The following TXNL1 variants were observed in gnomAD, a reference collection of about 807,000 sequenced individuals.
TXNL1 encodes thioredoxin like 1.
A neutral mutation model predicts 35.5 loss-of-function variants in TXNL1; 14 were observed. That is an observed-to-expected ratio of 0.39 (90% CI 0.26 to 0.62). The LOEUF is 0.62. Ranked by LOEUF, TXNL1 falls within the 20% of genes least tolerant of loss-of-function variation. The probability of loss-of-function intolerance (pLI) is 0.47; values close to 1 mark genes in which losing one functional copy is unlikely to be tolerated. For missense variants in TXNL1, 263 were observed against 349.7 expected (o/e 0.75, Z 1.98); for synonymous variants, 110 against 115.5 (o/e 0.95, Z 0.31).
Position 56,603,060 on chromosome 18 carries a change from GAAAAAC to G in TXNL1, c.841-10_841-5del. On this transcript the variant is annotated splice_region_variant and splice_polypyrimidine_tract_variant and intron_variant, in intron 7 of 7. Coordinates refer to ENST00000217515, the MANE Select transcript of TXNL1 (RefSeq NM_004786.3). ...TTTCTCCTTTTTTGCCAACTACCTAGAAAAACAAAAATAAGTTTATATGTACATCCT... is the reference window on the plus strand; with the variant it reads ...TTTCTCCTTTTTTGCCAACTACCTAGAAAAATAAGTTTATATGTACATCCT... 1 of 1,611,942 alleles carries G rather than the reference GAAAAAC, an allele frequency of 6.2e-7. No homozygotes were observed. Among genetic ancestry groups the G allele is most frequent in the Non-Finnish European group, 8.5e-7 (1 of 1,178,576 alleles).
chr18:56,632,161 C>T (rs922893287), intron 1 of TXNL1, among the ~76,000 whole-genome samples: 2 of 152,140 alleles, frequency 1.3e-5, no homozygotes, highest in African/African-American at 4.8e-5. Flanking sequence ...TAATATAAAA[C>T]AAATTCCATT....
chr18:56,638,577 T>G lies in TXNL1; in HGVS notation c.-137A>C. Reference sequence around the variant, plus strand: ...AAGAGGTGGCGACCGCCGAGTCTTCTCCCGGGACTCTCAGTGCCGAGTCAC... The same window carrying G: ...AAGAGGTGGCGACCGCCGAGTCTTCGCCCGGGACTCTCAGTGCCGAGTCAC... On this transcript the variant is annotated 5_prime_UTR_variant, in exon 1 of 8. Transcript: ENST00000217515. 1.5e-6 allele frequency: 1 copy of G among 663,700 alleles called. No homozygotes were observed. The highest frequency in any genetic ancestry group is 2.2e-6 in the Non-Finnish European group (1 of 456,170). The allele number at this position is 663,700 out of a possible 1,614,324, so 41.1% of individuals were successfully genotyped here. A position where few individuals can be genotyped will look rare whatever the true frequency, so the allele number is the denominator to read the frequency against.
chr18:56,615,527 G>A lies in TXNL1; in HGVS notation c.562+718C>T, dbSNP rs549708865. Among the ~76,000 whole-genome samples the A allele has an allele frequency of 4.6e-5, 7 of 151,678 alleles. 1 individual carries two copies. Among genetic ancestry groups the A allele is most frequent in the Non-Finnish European group, 1.0e-4 (7 of 67,932 alleles). ...TTACAAGAAGAGAAATCCTAAGTCT[G>A]CACAATCATATTTACATGTATCGAT... On this transcript the variant is annotated intron_variant, in intron 5 of 7. Transcript: ENST00000217515.
At chr18:56,608,967 C>CAAAA (rs1568099229) in intron 7 of TXNL1, 42 of 146,688 alleles carry the variant, frequency 2.9e-4, no homozygotes, top group South Asian at 6.5e-4. Flanking sequence ...AAAAAAAAAT[C>CAAAA]ATAAAATTCT....
chr18:56,605,713 C>T (rs981282200), intron 7 of TXNL1, among the ~76,000 whole-genome samples: 2 of 152,122 alleles, frequency 1.3e-5, no homozygotes, highest in African/African-American at 2.4e-5. Context: ...ATAATCTGTG[C>T]GTGATGCCTA....
intron 1 of TXNL1, among the ~76,000 whole-genome samples, chr18:56,636,889 T>C (rs1052761815): frequency 2.0e-5 from 3 of 152,198 alleles, no homozygotes; most frequent in African/African-American, 7.2e-5. Context: ...TTTTCTACTG[T>C]GGCCTAGATA....
chr18:56,633,644 G>T (rs1291313718), intron 1 of TXNL1, among the ~76,000 whole-genome samples: 5 of 147,110 alleles, frequency 3.4e-5, no homozygotes, highest in Non-Finnish European at 6.0e-5. Context: ...AAAAAAATCA[G>T]TGCATGGTAA....
rs140935269 is a variant in TXNL1, at chr18:56,625,543, T to C, written c.195+818A>G. Among the ~76,000 whole-genome samples, 170 of 152,204 alleles carry C rather than the reference T, an allele frequency of 1.1e-3. 1 individual carries two copies. The highest frequency in any genetic ancestry group is 3.9e-3 in the African/African-American group (164 of 41,540). On this transcript the variant is annotated intron_variant, in intron 2 of 7. Coordinates refer to ENST00000217515, the MANE Select transcript of TXNL1 (RefSeq NM_004786.3). ...TGGTTACAATACCTGACAGAACAGC[T>C]CCAGGAGAAAAGCATTTTCATTCTA...
chr18:56,622,216 G>C (rs2024200316), intron 3 of TXNL1, among the ~76,000 whole-genome samples: 1 of 151,894 alleles, frequency 6.6e-6, no homozygotes. Flanking sequence ...TACTAGACCA[G>C]TGCTGGTTTA....
intron 7 of TXNL1, chr18:56,610,485 T>G (rs2023972804): frequency 6.6e-6 from 1 of 152,458 alleles, no homozygotes; most frequent in Admixed American, 6.5e-5. Flanking sequence ...AAAACTTGCC[T>G]GTTCATCATT....
At chr18:56,626,141 CAGA>C (rs2024274215) in intron 2 of TXNL1, 3 of 1,205,462 alleles carry the variant, frequency 2.5e-6, no homozygotes, top group Admixed American at 7.6e-5. Context: ...AATTTTATAT[CAGA>C]AGGTGATTAA....
rs779464042 is a variant in TXNL1, at chr18:56,616,234, C to A, written c.562+11G>T. On this transcript the variant is annotated intron_variant, in intron 5 of 7. Transcript: ENST00000217515. Reference sequence around the variant, plus strand: ...AGAAGTTAGTTTAAAGAAAAGCTATCCTTTACTCACCATTATCTGGCCCTT... The same window carrying A: ...AGAAGTTAGTTTAAAGAAAAGCTATACTTTACTCACCATTATCTGGCCCTT... 2.8e-5 allele frequency: 45 copies of A among 1,611,010 alleles called. No individual in the cohort carries two copies. The highest frequency in any genetic ancestry group is 3.7e-5 in the Non-Finnish European group (43 of 1,178,034).
At chr18:56,634,798 TATAG>T (rs1299351972) in intron 1 of TXNL1, among the ~76,000 whole-genome samples, 1 of 152,098 alleles carries the variant, frequency 6.6e-6, no homozygotes, top group Non-Finnish European at 1.5e-5. Context: ...GCAACAAAAG[TATAG>T]ATAAATTGGA....
chr18:56,606,326 G>A (rs556060636), intron 7 of TXNL1, among the ~76,000 whole-genome samples: 2 of 151,312 alleles, frequency 1.3e-5, no homozygotes, highest in East Asian at 2.0e-4. Context: ...GCAGTGAGCC[G>A]AGATCACACC....
At chr18:56,603,180 C>T in intron 7 of TXNL1, 124 bp from the exon 8 acceptor site, 1 of 863,980 alleles carries the variant, frequency 1.2e-6, no homozygotes, top group Non-Finnish European at 1.8e-6. Flanking sequence ...TTCTGGCATG[C>T]AATGTATTTT....
At position 56,614,592 on chromosome 18, in the gene TXNL1, C is replaced by T. The variant is rs2024053197; in HGVS notation, c.567G>A (p.Gln189=). 5 of 1,609,456 alleles carry T rather than the reference C, an allele frequency of 3.1e-6. No individual in the cohort carries two copies. The highest frequency in any genetic ancestry group is 4.2e-6 in the Non-Finnish European group (5 of 1,178,760). Residue 189 remains glutamine (Q), a synonymous_variant, in exon 6 of 8, where the codon CAG becomes CAA. Transcript: ENST00000217515. The part of the protein sequence containing the change: ...SMKFQGPDNG[Q]GPKYVKIFIN... ...TAAAAATTTTTACATATTTAGGGCC[C>T]TGACCTATACAATGGTAGAATAAAA...
In TXNL1 at chr18:56,612,255, T is replaced by C. The variant is rs8087173; in HGVS notation, c.736-1158A>G. ...ATCATTGGAAATTTTATTAAAATCA[T>C]AGTTTTTCACTGAGGAAAATCTCTA... On this transcript the variant is annotated intron_variant, in intron 6 of 7. Coordinates refer to ENST00000217515, the MANE Select transcript of TXNL1 (RefSeq NM_004786.3). Among the ~76,000 whole-genome samples the C allele has an allele frequency of 7.2e-5, 11 of 152,134 alleles. No individual in the cohort carries two copies. In the East Asian group the frequency reaches 9.7e-4, roughly 13 times the overall value.
intron 1 of TXNL1, 40 bp downstream of exon 1, chr18:56,638,303 A>C: frequency 6.4e-7 from 1 of 1,568,444 alleles, no homozygotes; most frequent in Non-Finnish European, 8.7e-7. Context: ...AAAGCAAGGA[A>C]GGACAGACGG....
chr18:56,606,245 C>T (rs767319804), intron 7 of TXNL1, among the ~76,000 whole-genome samples: 2 of 152,026 alleles, frequency 1.3e-5, no homozygotes, highest in South Asian at 2.1e-4. Flanking sequence ...GGCGTAGCGG[C>T]GGGCACCTGT....
Sources: allele counts gnomAD v4.1 joint callset (sites outside exome capture counted in the v4.1 genomes callset), GRCh38; gene constraint gnomAD v4.1.1; transcripts MANE v1.5; gene names NCBI Gene and HGNC (gene_info 2026-07-23, HGNC 2026-07-21).